Variants in ANXA3 observed in about 807,000 individuals in gnomAD.
ANXA3 encodes 35-alpha calcimedin.
A neutral mutation model predicts 48.8 loss-of-function variants in ANXA3; 46 were observed. The observed-to-expected ratio is 0.94, with a 90% CI of 0.74 to 1.21. The LOEUF (loss-of-function observed/expected upper bound fraction) is 1.21, where lower values mean the gene tolerates loss of function less well. Among genes scored for constraint, ANXA3 ranks in the 50% most tolerant of loss-of-function variants. The pLI, the probability that ANXA3 is intolerant of heterozygous loss-of-function variation, is 0.00. For synonymous variants in ANXA3, 128 were observed against 134.7 expected, an observed-to-expected ratio of 0.95 and a Z score of 0.35; for missense variants, 383 against 378.6, an observed-to-expected ratio of 1.01 and a Z score of -0.10.
intron 12 of ANXA3, among the ~76,000 whole-genome samples, chr4:78,609,092 C>T (rs1723706248): frequency 1.3e-5 from 2 of 152,022 alleles, no homozygotes; most frequent in African/African-American, 4.8e-5. Flanking sequence ...GACAAATGAA[C>T]AAGAAATAAA....
At chr4:78,581,834 C>T (rs1001688284) in intron 4 of ANXA3, among the ~76,000 whole-genome samples, 3 of 152,078 alleles carry the variant, frequency 2.0e-5, no homozygotes, top group Admixed American at 6.6e-5. Context: ...TGAAGCTGGG[C>T]GTGAATTTAT....
chr4:78,575,753 A>G lies in ANXA3; in HGVS notation c.103+2486A>G, dbSNP rs543466000. Among the ~76,000 whole-genome samples the G allele has an allele frequency of 1.1e-4, 16 of 152,310 alleles. No homozygotes were observed. In the South Asian group the frequency reaches 3.1e-3, roughly 30 times the overall value. On this transcript the variant is annotated intron_variant, in intron 3 of 12. Transcript: ENST00000264908. Reference sequence around the variant, plus strand: ...AATTTTAGTGAAATCAAGTTTACCAATATTTTTGTCCAGGATTTATGCTTA... The same window carrying G: ...AATTTTAGTGAAATCAAGTTTACCAGTATTTTTGTCCAGGATTTATGCTTA...
intron 2 of ANXA3, among the ~76,000 whole-genome samples, chr4:78,557,281 TTC>T: frequency 6.6e-6 from 1 of 152,284 alleles, no homozygotes; most frequent in Admixed American, 6.5e-5. Flanking sequence ...TGGCTTTTCT[TTC>T]TGGGGGATCT....
chr4:78,598,808 G>A (rs1723479854), intron 10 of ANXA3, among the ~76,000 whole-genome samples: 1 of 152,016 alleles, frequency 6.6e-6, no homozygotes, highest in African/African-American at 2.4e-5. Context: ...CCAAAGTGCT[G>A]GGATTACAGG....
chr4:78,609,549 G>A (rs924462434), intron 12 of ANXA3, among the ~76,000 whole-genome samples: 1 of 152,110 alleles, frequency 6.6e-6, no homozygotes, highest in African/African-American at 2.4e-5. Flanking sequence ...CAGGATATAG[G>A]GATTCAAATC....
At chr4:78,593,147 A>ACACACACACC (rs1378145866) in intron 7 of ANXA3, among the ~76,000 whole-genome samples, 28 of 145,818 alleles carry the variant, frequency 1.9e-4, no homozygotes, top group Non-Finnish European at 3.7e-4. Flanking sequence ...ACACACACAC[A>ACACACACACC]CACACCACTT....
At chr4:78,584,406 A>G (rs1723130914) in intron 5 of ANXA3, among the ~76,000 whole-genome samples, 1 of 151,960 alleles carries the variant, frequency 6.6e-6, no homozygotes, top group Admixed American at 6.6e-5. Context: ...CAAACTCCTG[A>G]GTCAAGCAAT....
At chr4:78,562,260 A>C (rs1046438189) in intron 2 of ANXA3, among the ~76,000 whole-genome samples, 2 of 152,260 alleles carry the variant, frequency 1.3e-5, no homozygotes, top group Non-Finnish European at 2.9e-5. Context: ...CTGAGCAATA[A>C]AATGAATACA....
intron 6 of ANXA3, among the ~76,000 whole-genome samples, chr4:78,590,731 TCTTA>T (rs1232921101): frequency 1.3e-5 from 2 of 151,854 alleles, no homozygotes; most frequent in African/African-American, 4.9e-5. Flanking sequence ...TGGGTAGCTT[TCTTA>T]CTTTTGGGAG....
intron 6 of ANXA3, among the ~76,000 whole-genome samples, chr4:78,590,439 A>G (rs564569453): frequency 1.2e-4 from 19 of 152,316 alleles, no homozygotes; most frequent in Admixed American, 2.6e-4. Flanking sequence ...CACTTTCTAT[A>G]ATTGTCTTTC....
rs1281298719 is a variant in ANXA3 at position 78,586,316 on chromosome 4, G to A, written c.369G>A (p.Arg123=). The change falls in exon 6 of 13, where the codon AGG becomes AGA. Residue 123 remains arginine, a synonymous_variant. Transcript: ENST00000264908. ...AAATCTTAACTACCAGGACAAGCAG[G>A]CAAATGAAGGATATCTCTCAAGCCT... ...LIEILTTRTS[R]QMKDISQAYY... is the part of the protein sequence containing the mutation. 4 of 1,613,418 alleles carry A rather than the reference G, an allele frequency of 2.5e-6. No homozygotes were observed. Among genetic ancestry groups the A allele is most frequent in the Admixed American group, 3.3e-5 (2 of 59,954 alleles).
intron 12 of ANXA3, among the ~76,000 whole-genome samples, chr4:78,607,816 A>T (rs1723682560): frequency 6.6e-6 from 1 of 152,190 alleles, no homozygotes; most frequent in Non-Finnish European, 1.5e-5. Context: ...TTTCAGGTCA[A>T]CAAGCATGTG....
intron 7 of ANXA3, 49 bp downstream of exon 7, chr4:78,591,672 A>C: frequency 3.0e-6 from 4 of 1,337,750 alleles, no homozygotes; most frequent in Non-Finnish European, 4.3e-6. Flanking sequence ...CTGCATGCTC[A>C]ATAACAATTT....
intron 2 of ANXA3, among the ~76,000 whole-genome samples, chr4:78,558,996 A>G (rs1056063607): frequency 4.6e-5 from 7 of 152,214 alleles, no homozygotes; most frequent in African/African-American, 1.4e-4. Flanking sequence ...CCTAACTTAC[A>G]TTTACAGAAT....
intron 2 of ANXA3, among the ~76,000 whole-genome samples, chr4:78,557,484 G>A (rs961966983): frequency 1.3e-5 from 2 of 152,158 alleles, no homozygotes; most frequent in Non-Finnish European, 2.9e-5. Context: ...GGATTATGAT[G>A]TATACATTTT....
chr4:78,554,978 G>T (rs1211738037), intron 2 of ANXA3, among the ~76,000 whole-genome samples: 1 of 152,174 alleles, frequency 6.6e-6, no homozygotes, highest in Non-Finnish European at 1.5e-5. Context: ...GGCCGAGGTG[G>T]GTGGATCACC....
Position 78,569,791 on chromosome 4 carries a change from A to G in ANXA3, c.16-3389A>G, listed in dbSNP as rs576400761. On this transcript the variant is annotated intron_variant, in intron 2 of 12. Coordinates refer to ENST00000264908, the MANE Select transcript of ANXA3 (RefSeq NM_005139.3). ...AACTCCCTCGAGGCATTGTGATGTG[A>G]CATAGAGCAGGGGGCATTTTAGTCA... Among the ~76,000 whole-genome samples the G allele has an allele frequency of 2.8e-4, 42 of 152,316 alleles. No homozygotes were observed. The South Asian group carries it at 8.5e-3, about 31-fold the overall frequency.
chr4:78,586,300 C>CT lies in ANXA3; in HGVS notation c.354dup (p.Thr119TyrfsTer25). On this transcript the variant is annotated frameshift_variant, in exon 6 of 13. Coordinates refer to ENST00000264908, the MANE Select transcript of ANXA3 (RefSeq NM_005139.3). LOFTEE classifies it high-confidence loss of function. ...GAAGATGCCTTGATTGAAATCTTAA[C>CT]TACCAGGACAAGCAGGCAAATGAAG... The CT allele has an allele frequency of 6.2e-7, 1 of 1,613,724 alleles. No homozygotes were observed. The highest frequency in any genetic ancestry group is 2.2e-5 in the East Asian group (1 of 44,818).
chr4:78,583,832 G>T (rs774088258), intron 5 of ANXA3, among the ~76,000 whole-genome samples: 1 of 152,182 alleles, frequency 6.6e-6, no homozygotes, highest in African/African-American at 2.4e-5. Context: ...CAGGTCTGCC[G>T]AGAAAGGTAA....
Sources: gnomAD v4.1 joint callset for allele counts (sites outside exome capture counted in the v4.1 genomes callset) on GRCh38, gnomAD v4.1.1 for gene constraint, MANE v1.5 for transcripts, NCBI Gene and HGNC (gene_info 2026-07-23, HGNC 2026-07-21) for gene names.